ERBB4: variants seen among roughly 807,000 people sequenced by gnomAD.
ERBB4 encodes receptor tyrosine-protein kinase erbB-4.
Under a neutral mutation model 158.0 loss-of-function variants are expected in ERBB4, and 42 were observed. That is an observed-to-expected ratio of 0.27 (90% confidence interval 0.21 to 0.34). ERBB4 has a LOEUF of 0.34. Ranked by LOEUF, ERBB4 falls within the 10% of genes least tolerant of loss-of-function variation. The pLI is 1.00. For missense variants in ERBB4, 1,333 were observed against 1,624.1 expected (o/e 0.82, Z 3.08); for synonymous variants, 583 against 558.7 (o/e 1.04, Z -0.61).
chr2:211,703,129 GTGTT>G lies in ERBB4; in HGVS notation c.1290-967_1290-964del, dbSNP rs540887546. On this transcript the variant is annotated intron_variant, in intron 11 of 27. Coordinates refer to ENST00000342788, the MANE Select transcript of ERBB4 (RefSeq NM_005235.3). ...TCCATGGTTGTCAGGGTGTGTGTGT[GTGTT>G]TGTGTGTATGTATGCTCAATGATAA... Among the ~76,000 whole-genome samples, 452 of 152,094 alleles carry G rather than the reference GTGTT, an allele frequency of 3.0e-3. 4 individuals carry two copies. The highest frequency in any genetic ancestry group is 0.01 in the African/African-American group (427 of 41,496).
chr2:212,357,048 A>G (rs1310346245), intron 1 of ERBB4, among the ~76,000 whole-genome samples: 1 of 151,902 alleles, frequency 6.6e-6, no homozygotes, highest in Non-Finnish European at 1.5e-5. Flanking sequence ...TAAAATCATA[A>G]GATACATAAT....
chr2:212,443,237 C>G (rs1412920615), intron 1 of ERBB4, among the ~76,000 whole-genome samples: 2 of 152,246 alleles, frequency 1.3e-5, no homozygotes, highest in African/African-American at 4.8e-5. Context: ...ACCTTGATCA[C>G]TTTTCATCTC....
In ERBB4 at chr2:211,375,901, C is replaced by T. The variant is rs1380131555; in HGVS notation, c.*7714G>A. 1 of 232,492 alleles carries T rather than the reference C, an allele frequency of 4.3e-6. No individual in the cohort carries two copies. Among genetic ancestry groups the T allele is most frequent in the Non-Finnish European group, 8.5e-6 (1 of 117,540 alleles). The allele number at this position is 232,492 out of a possible 1,614,324, so 14.4% of individuals were successfully genotyped here. ...TACAGGTACAATTCTTTCCCAAGAG[C>T]CAAAAGAGGATCCTTGAGAACTAAC... On this transcript the variant is annotated 3_prime_UTR_variant, in exon 28 of 28. Coordinates refer to ENST00000342788, the MANE Select transcript of ERBB4 (RefSeq NM_005235.3).
intron 22 of ERBB4, among the ~76,000 whole-genome samples, 183 bp from the exon 23 acceptor site, chr2:211,424,484 G>A (rs982929593): frequency 6.6e-6 from 1 of 151,620 alleles, no homozygotes; most frequent in African/African-American, 2.4e-5. Flanking sequence ...ATCTTTGTGG[G>A]GGAATTCAAT....
rs2077832253 is a variant in ERBB4, at chr2:211,855,447, AG to A, written c.422-67289del. ...AAAAATATTCTCGTTTTCCTCTAAA[AG>A]TTTTTTACCTTTAACATTTACATCC... On this transcript the variant is annotated intron_variant, in intron 3 of 27. Transcript: ENST00000342788. 2.6e-5 allele frequency among the ~76,000 whole-genome samples: 4 copies of A among 152,106 alleles called. No individual in the cohort carries two copies. In the South Asian group the frequency reaches 8.3e-4, roughly 31 times the overall value.
At chr2:212,116,887 C>A (rs1344431308) in intron 2 of ERBB4, among the ~76,000 whole-genome samples, 1 of 151,726 alleles carries the variant, frequency 6.6e-6, no homozygotes, top group African/African-American at 2.4e-5. Context: ...AATTTTGAGT[C>A]AATGTATATT....
intron 16 of ERBB4, among the ~76,000 whole-genome samples, chr2:211,656,823 A>G (rs1422767021): frequency 1.3e-5 from 2 of 152,086 alleles, no homozygotes; most frequent in African/African-American, 2.4e-5. Flanking sequence ...TTTTTATTCT[A>G]TTGCTCAGTA....
chr2:211,725,375 ATTTC>A (rs1402567079), intron 5 of ERBB4, among the ~76,000 whole-genome samples, 181 bp from the exon 6 acceptor site: 2 of 150,666 alleles, frequency 1.3e-5, no homozygotes, highest in African/African-American at 5.0e-5. Context: ...ATTTATAATT[ATTTC>A]ATTTTTATAT....
In ERBB4 at chr2:212,249,175, T is replaced by C. The variant is rs529150470; in HGVS notation, c.83-124272A>G. Among the ~76,000 whole-genome samples the C allele has an allele frequency of 2.0e-5, 3 of 152,240 alleles. No homozygotes were observed. In the South Asian group the frequency reaches 6.2e-4, roughly 32 times the overall value. On this transcript the variant is annotated intron_variant, in intron 1 of 27. Coordinates refer to ENST00000342788, the MANE Select transcript of ERBB4 (RefSeq NM_005235.3). ...ATAGTAATTAGGTAAATTCACTGTA[T>C]TCCTGATAATCATCAAAATATTGGT... is the stretch of plus-strand genomic sequence containing the variant.
chr2:212,029,605 T>C (rs1245912728), intron 2 of ERBB4, among the ~76,000 whole-genome samples: 2 of 152,194 alleles, frequency 1.3e-5, no homozygotes, highest in African/African-American at 4.8e-5. Flanking sequence ...TGAATATTCA[T>C]GACATCGTGC....
chr2:211,783,750 T>A (rs988358985), intron 4 of ERBB4, among the ~76,000 whole-genome samples: 15 of 152,216 alleles, frequency 9.9e-5, no homozygotes, highest in African/African-American at 3.6e-4. Flanking sequence ...CTTTTTGATG[T>A]GCTGTTAGAT....
chr2:211,924,456 C>T (rs1414752406), intron 3 of ERBB4, among the ~76,000 whole-genome samples: 3 of 151,714 alleles, frequency 2.0e-5, no homozygotes, highest in Non-Finnish European at 2.9e-5. Flanking sequence ...TACTCATACC[C>T]TATACATCTA....
chr2:212,247,801 T>A (rs1023381840), intron 1 of ERBB4, among the ~76,000 whole-genome samples: 15 of 151,998 alleles, frequency 9.9e-5, no homozygotes, highest in African/African-American at 3.1e-4. Context: ...CCATCTCTGC[T>A]GAAAATACAA....
At chr2:211,806,259 GGA>G (rs758673696) in intron 3 of ERBB4, among the ~76,000 whole-genome samples, 2 of 152,102 alleles carry the variant, frequency 1.3e-5, no homozygotes, top group African/African-American at 2.4e-5. Flanking sequence ...GAGAGACTAA[GGA>G]GAGAGAGACA....
At chr2:211,555,352 A>G (rs1403652852) in intron 20 of ERBB4, among the ~76,000 whole-genome samples, 1 of 152,060 alleles carries the variant, frequency 6.6e-6, no homozygotes, top group African/African-American at 2.4e-5. Flanking sequence ...TGCCCGGCTA[A>G]TTTTGTATTT....
intron 20 of ERBB4, among the ~76,000 whole-genome samples, chr2:211,469,359 A>G (rs183871639): frequency 6.6e-6 from 1 of 152,284 alleles, no homozygotes; most frequent in Non-Finnish European, 1.5e-5. Flanking sequence ...GCAGTGGTAA[A>G]TAAGACACAC....
chr2:211,401,331 G>GCAAA (rs2125354414), intron 25 of ERBB4, among the ~76,000 whole-genome samples: 1 of 152,028 alleles, frequency 6.6e-6, no homozygotes, highest in African/African-American at 2.4e-5. Context: ...TCAATGGAAC[G>GCAAA]CAAACATTAG....
At chr2:212,198,315 A>G (rs572071317) in intron 1 of ERBB4, among the ~76,000 whole-genome samples, 1 of 152,112 alleles carries the variant, frequency 6.6e-6, no homozygotes, top group Non-Finnish European at 1.5e-5. Context: ...TCATTTCCAG[A>G]TATTTTTTAT....
chr2:211,944,149 C>CACTATATATATACACTATATATATAT (rs2080589942), intron 3 of ERBB4, among the ~76,000 whole-genome samples: 1 of 116,446 alleles, frequency 8.6e-6, no homozygotes, highest in Non-Finnish European at 1.8e-5. Context: ...TATACATATA[C>CACTATATATATACACTATATATATAT]ACTATATATA....
Sources: allele counts gnomAD v4.1 joint callset (sites outside exome capture counted in the v4.1 genomes callset), GRCh38; gene constraint gnomAD v4.1.1; transcripts MANE v1.5; gene names NCBI Gene and HGNC (gene_info 2026-07-23, HGNC 2026-07-21).